MAGED1: variants seen among roughly 807,000 people sequenced by gnomAD.
The protein encoded by MAGED1 is melanoma-associated antigen D1.
MAGED1 carries 3 observed loss-of-function variants against 54.1 expected under a neutral mutation model. The observed-to-expected ratio is 0.06, with a 90% confidence interval of 0.03 to 0.14. The LOEUF (loss-of-function observed/expected upper bound fraction) is 0.14. MAGED1 is among the 10% of genes least tolerant of loss of function. The pLI is 1.00. For synonymous variants in MAGED1, 217 were observed against 227.3 expected, an observed-to-expected ratio of 0.95 and a Z score of 0.41; for missense variants, 485 against 623.4, an observed-to-expected ratio of 0.78 and a Z score of 2.36.
chrX:51,803,098 T>A, exon 1 of MAGED1: 1 of 111,638 alleles, frequency 9.0e-6, no homozygotes, highest in Non-Finnish European at 1.9e-5. Context: ...CACGCCATCG[T>A]TGCTGCCTTC....
chrX:51,894,976 A>T lies in MAGED1; in HGVS notation c.46-77A>T, dbSNP rs372774432. 6.8e-5 allele frequency: 64 copies of T among 942,158 alleles called. No individual in the cohort carries two copies. The East Asian group carries it at 8.6e-4, about 13-fold the overall frequency. 77.6% of individuals were successfully genotyped at this position (942,158 alleles called of 1,213,427 possible). On this transcript the variant is annotated intron_variant, in intron 2 of 12. Coordinates refer to ENST00000326587, the MANE Select transcript of MAGED1 (RefSeq NM_006986.4). ...CCTGCAGCTCCGCTGCTGCGCTGCC[A>T]CCCGGGCTCCCTATTCCCACCCCAC... is the stretch of plus-strand genomic sequence containing the variant.
chrX:51,845,162 A>G (rs1204882015), intron 1 of MAGED1, among the ~76,000 whole-genome samples: 9 of 111,338 alleles, frequency 8.1e-5, no homozygotes, highest in Non-Finnish European at 1.5e-4. Flanking sequence ...AACGCAGGAG[A>G]ATCGCTTGAA....
intron 1 of MAGED1, chrX:51,857,850 T>C (rs1557360343): frequency 8.9e-6 from 1 of 112,403 alleles, no homozygotes; most frequent in Non-Finnish European, 1.9e-5. Context: ...ATTATGGGTA[T>C]GCTTTCAGCA....
At chrX:51,898,739 A>G in intron 10 of MAGED1, 96 bp downstream of exon 10, 1 of 810,183 alleles carries the variant, frequency 1.2e-6, no homozygotes, top group African/African-American at 2.0e-5. Flanking sequence ...ACAATGGCTC[A>G]TGCCTGTAAT....
chrX:51,866,498 T>C (rs958703446), intron 1 of MAGED1, among the ~76,000 whole-genome samples: 11 of 112,012 alleles, frequency 9.8e-5, no homozygotes, highest in African/African-American at 3.6e-4. Context: ...CTAGTCACCT[T>C]GGACACAAAT....
At chrX:51,809,493 G>T (rs781970874) in intron 1 of MAGED1, among the ~76,000 whole-genome samples, 2 of 111,576 alleles carry the variant, frequency 1.8e-5, no homozygotes, top group South Asian at 7.6e-4. Flanking sequence ...GTCTCATCTG[G>T]ATTTAGATGA....
At chrX:51,866,182 ATTAC>A (rs1557361085) in intron 1 of MAGED1, among the ~76,000 whole-genome samples, 1 of 112,138 alleles carries the variant, frequency 8.9e-6, no homozygotes, top group African/African-American at 3.2e-5. Context: ...AGGTGTTCTT[ATTAC>A]TTTTTAGTCA....
chrX:51,852,666 T>G (rs1432111872), intron 1 of MAGED1, among the ~76,000 whole-genome samples: 1 of 111,925 alleles, frequency 8.9e-6, no homozygotes, highest in East Asian at 2.8e-4. Context: ...AGTTCTCAAT[T>G]TAATGCCTTT....
intron 1 of MAGED1, among the ~76,000 whole-genome samples, chrX:51,838,130 G>A (rs1238665059): frequency 8.9e-6 from 1 of 112,178 alleles, no homozygotes; most frequent in Non-Finnish European, 1.9e-5. Flanking sequence ...TGCAGGCCAG[G>A]GATTGGCTGT....
chrX:51,896,396 T>C lies in MAGED1; in HGVS notation c.754-13T>C. The C allele has an allele frequency of 8.4e-7, 1 of 1,192,488 alleles. No homozygotes were observed. Among genetic ancestry groups the C allele is most frequent in the Non-Finnish European group, 1.1e-6 (1 of 884,091 alleles). On this transcript the variant is annotated splice_polypyrimidine_tract_variant and intron_variant, in intron 3 of 12. Coordinates refer to ENST00000326587, the MANE Select transcript of MAGED1 (RefSeq NM_006986.4). ...ACCCACTGGTGATTCTGAACTTCTCTCTGATGATGCAGATTAATAACTTGA... is the reference window on the plus strand; with the variant it reads ...ACCCACTGGTGATTCTGAACTTCTCCCTGATGATGCAGATTAATAACTTGA...
intron 1 of MAGED1, among the ~76,000 whole-genome samples, chrX:51,827,810 C>CA (rs548216374): frequency 6.5e-4 from 73 of 111,543 alleles, no homozygotes; most frequent in Non-Finnish European, 8.1e-4. Flanking sequence ...TTTGCGGTAT[C>CA]AAAAAAAATC....
chrX:51,804,752 G>A (rs1271149365), intron 1 of MAGED1, among the ~76,000 whole-genome samples: 5 of 111,684 alleles, frequency 4.5e-5, no homozygotes, highest in Non-Finnish European at 9.4e-5. Context: ...TATGTAATAG[G>A]TTGTAATGTG....
intron 1 of MAGED1, among the ~76,000 whole-genome samples, chrX:51,806,374 A>G (rs1486441434): frequency 8.9e-6 from 1 of 111,788 alleles, no homozygotes; most frequent in Non-Finnish European, 1.9e-5. Flanking sequence ...TACTATTCCA[A>G]ATTAATCACA....
intron 1 of MAGED1, chrX:51,857,952 TACTC>T (rs1470344188): frequency 8.9e-6 from 1 of 112,663 alleles, no homozygotes. Flanking sequence ...AGTTTAATCT[TACTC>T]AGCATCAGAA....
intron 1 of MAGED1, among the ~76,000 whole-genome samples, chrX:51,832,176 C>T (rs1415426329): frequency 4.5e-5 from 5 of 110,442 alleles, no homozygotes; most frequent in East Asian, 2.9e-4. Flanking sequence ...ACTATAGGCG[C>T]GCACCACCAC....
At chrX:51,862,499 C>G (rs1216044754) in intron 1 of MAGED1, among the ~76,000 whole-genome samples, 1 of 111,143 alleles carries the variant, frequency 9.0e-6, no homozygotes, top group African/African-American at 3.3e-5. Flanking sequence ...ATAATACTAC[C>G]CTGATTTTTG....
chrX:51,887,214 T>C (rs1053492198), intron 1 of MAGED1, among the ~76,000 whole-genome samples: 1 of 111,236 alleles, frequency 9.0e-6, no homozygotes, highest in Admixed American at 9.5e-5. Context: ...GAAGCACATA[T>C]CGTCACATTC....
At chrX:51,872,643 G>T (rs1376625057) in intron 1 of MAGED1, among the ~76,000 whole-genome samples, 1 of 111,829 alleles carries the variant, frequency 8.9e-6, no homozygotes, top group Non-Finnish European at 1.9e-5. Flanking sequence ...GGTTTGCTTT[G>T]AGGTAGGCGA....
Position 51,896,987 on chromosome X carries a change from C to G in MAGED1, c.1332C>G (p.Pro444=). 8.3e-7 allele frequency: 1 copy of G among 1,211,156 alleles called. No individual in the cohort carries two copies. ...PIPPDWQNLR[P]SPNLRPSPNS... ...CACCTGACTGGCAGAACCTGCGCCCCTCGCCTAACCTGCGCCCTTCTCCCA... is the reference window on the plus strand; with the variant it reads ...CACCTGACTGGCAGAACCTGCGCCCGTCGCCTAACCTGCGCCCTTCTCCCA... Residue 444 remains proline (P), a synonymous_variant, in exon 4 of 13, where the codon CCC becomes CCG. Transcript: ENST00000326587.
Sources: gnomAD v4.1 joint callset for allele counts (sites outside exome capture counted in the v4.1 genomes callset) on GRCh38, gnomAD v4.1.1 for gene constraint, MANE v1.5 for transcripts, NCBI Gene and HGNC (gene_info 2026-07-23, HGNC 2026-07-21) for gene names.